The following CFAP43 variants were observed in gnomAD, a reference collection of about 807,000 sequenced individuals.
The protein encoded by CFAP43 is cilia- and flagella-associated protein 43.
CFAP43 carries 155 observed loss-of-function variants against 218.9 expected under a neutral mutation model. The observed-to-expected ratio is 0.71, with a 90% CI of 0.62 to 0.81. CFAP43 has a LOEUF of 0.81. CFAP43 is among the 30% of genes least tolerant of loss of function. The pLI, the probability that CFAP43 is intolerant of heterozygous loss-of-function variation, is 0.00. For missense variants in CFAP43, 1,778 were observed against 1,954.3 expected (o/e 0.91, Z 1.70); for synonymous variants, 645 against 681.3 (o/e 0.95, Z 0.83).
chr10:104,168,909 T>C, intron 20 of CFAP43, 61 bp from the exon 21 acceptor site: 1 of 1,365,866 alleles, frequency 7.3e-7, no homozygotes, highest in Non-Finnish European at 1.0e-6. Flanking sequence ...GAAATAATAA[T>C]CTCCATTGTA....
chr10:104,171,544 A>G (rs548601721), intron 20 of CFAP43, among the ~76,000 whole-genome samples: 9 of 152,342 alleles, frequency 5.9e-5, no homozygotes, highest in Non-Finnish European at 1.2e-4. Context: ...TGTTTAATCT[A>G]TTATAATCCA....
chr10:104,207,348 T>C (rs1481631433), intron 6 of CFAP43, among the ~76,000 whole-genome samples: 1 of 152,148 alleles, frequency 6.6e-6, no homozygotes, highest in Non-Finnish European at 1.5e-5. Context: ...TACAGCACAG[T>C]AGCCAAGAAC....
intron 19 of CFAP43, among the ~76,000 whole-genome samples, chr10:104,174,338 A>G (rs776760294): frequency 1.3e-5 from 2 of 152,264 alleles, no homozygotes; most frequent in Non-Finnish European, 1.5e-5. Flanking sequence ...AGAAAGTGAA[A>G]GGAAAGGCAT....
intron 3 of CFAP43, among the ~76,000 whole-genome samples, chr10:104,221,619 C>T (rs1360929903): frequency 6.6e-6 from 1 of 152,158 alleles, no homozygotes; most frequent in African/African-American, 2.4e-5. Flanking sequence ...GTTTATAAGC[C>T]ACCCAGTCTA....
At chr10:104,223,625 T>C (rs754915259) in intron 3 of CFAP43, among the ~76,000 whole-genome samples, 1 of 152,160 alleles carries the variant, frequency 6.6e-6, no homozygotes, top group Non-Finnish European at 1.5e-5. Flanking sequence ...TGGAGCCTTC[T>C]GCTTTTGGAA....
chr10:104,206,551 G>A (rs2090695617), intron 6 of CFAP43, among the ~76,000 whole-genome samples: 1 of 152,200 alleles, frequency 6.6e-6, no homozygotes, highest in Non-Finnish European at 1.5e-5. Flanking sequence ...TTCTTGAGCT[G>A]GGTGTTAAAA....
intron 34 of CFAP43, among the ~76,000 whole-genome samples, chr10:104,138,748 A>T (rs1412225759): frequency 6.6e-6 from 1 of 152,200 alleles, no homozygotes; most frequent in East Asian, 1.9e-4. Flanking sequence ...GAACAGAAAA[A>T]TGACCTTAAG....
In CFAP43 at chr10:104,131,399, G is replaced by A. The variant is rs560842271; in HGVS notation, c.4763C>T (p.Ala1588Val). 6 of 1,613,696 alleles carry A rather than the reference G, an allele frequency of 3.7e-6. 1 individual carries two copies. The Admixed American group carries it at 6.7e-5, about 18-fold the overall frequency. Residue 1588 changes from alanine to valine, a missense_variant, in exon 37 of 38, where the codon GCC becomes GTC. Coordinates refer to ENST00000357060, the MANE Select transcript of CFAP43 (RefSeq NM_025145.7). ...FSNQKDIANY[A>V]LSCNLREELV... ...CTCTTCTCGTAGATTGCAGCTTAGG[G>A]CATAATTTGCTATATCTTTTTGATT...
chr10:104,182,434 T>C lies in CFAP43; in HGVS notation c.2221A>G (p.Lys741Glu). The change falls in exon 17 of 38, where the codon AAG (lysine) becomes GAG (glutamate). Residue 741 changes from lysine (K) to glutamate (E), a missense_variant. Coordinates refer to ENST00000357060, the MANE Select transcript of CFAP43 (RefSeq NM_025145.7). ...LLISLSSAMD[K>E]ENHYLSTTPK... ...GTTGTGCTTAAATAATGATTCTCCT[T>C]GTCCATGGCGCTGCTCAGGGAAATT... is the stretch of plus-strand genomic sequence containing the variant. The C allele has an allele frequency of 6.2e-7, 1 of 1,612,866 alleles. No homozygotes were observed. Among genetic ancestry groups the C allele is most frequent in the South Asian group, 1.1e-5 (1 of 90,772 alleles).
intron 27 of CFAP43, among the ~76,000 whole-genome samples, chr10:104,159,103 G>A (rs1309769798): frequency 6.6e-6 from 1 of 152,056 alleles, no homozygotes; most frequent in East Asian, 1.9e-4. Context: ...GCGGAAGCTG[G>A]ATAAAGGGGT....
chr10:104,223,041 T>C (rs2091223779), intron 3 of CFAP43, among the ~76,000 whole-genome samples: 2 of 152,200 alleles, frequency 1.3e-5, no homozygotes, highest in Admixed American at 1.3e-4. Flanking sequence ...AAAGCAGCCA[T>C]AGATAATATA....
At chr10:104,181,159 C>T (rs2089829452) in intron 17 of CFAP43, among the ~76,000 whole-genome samples, 1 of 152,166 alleles carries the variant, frequency 6.6e-6, no homozygotes, top group Admixed American at 6.5e-5. Context: ...CTGCCCCCTT[C>T]CCCCAGAGTC....
intron 1 of CFAP43, among the ~76,000 whole-genome samples, chr10:104,231,588 T>C (rs1215916925): frequency 6.6e-6 from 1 of 151,920 alleles, no homozygotes; most frequent in Non-Finnish European, 1.5e-5. Context: ...GACATTAGAG[T>C]GTCCAGGACT....
intron 29 of CFAP43, among the ~76,000 whole-genome samples, chr10:104,146,890 A>T (rs770408738): frequency 9.9e-5 from 15 of 152,122 alleles, no homozygotes; most frequent in Admixed American, 6.6e-5. Context: ...AACCAGTAAA[A>T]TGAGTTGTCC....
chr10:104,146,128 A>G, intron 30 of CFAP43, 135 bp downstream of exon 30: 1 of 617,628 alleles, frequency 1.6e-6, no homozygotes, highest in East Asian at 2.9e-5. Context: ...GCATAGAATG[A>G]AGTTCACCCA....
At chr10:104,217,948 C>T (rs980601884) in intron 3 of CFAP43, among the ~76,000 whole-genome samples, 8 of 152,196 alleles carry the variant, frequency 5.3e-5, no homozygotes, top group Non-Finnish European at 1.2e-4. Context: ...AAAGCATGTT[C>T]GAGTTTCTAA....
At chr10:104,201,333 G>A (rs1469660346) in intron 8 of CFAP43, among the ~76,000 whole-genome samples, 1 of 151,256 alleles carries the variant, frequency 6.6e-6, no homozygotes, top group Non-Finnish European at 1.5e-5. Context: ...TTTATATTTG[G>A]GTTTAAACAT....
Position 104,136,258 on chromosome 10 carries a change from CAAAAAAAAA to C in CFAP43, c.4432-2483_4432-2475del, listed in dbSNP as rs368792618. Among the ~76,000 whole-genome samples, 140 of 86,012 alleles carry C rather than the reference CAAAAAAAAA, an allele frequency of 1.6e-3. 1 individual carries two copies. The highest frequency in any genetic ancestry group is 6.9e-3 in the African/African-American group (128 of 18,422). 56.4% of individuals were successfully genotyped at this position (86,012 alleles called of 152,430 possible). On this transcript the variant is annotated intron_variant, in intron 34 of 37. Coordinates refer to ENST00000357060, the MANE Select transcript of CFAP43 (RefSeq NM_025145.7). ...AGAGCGAGAATCCATTTCTCCATTT[CAAAAAAAAA>C]AAAAAAAAAAAGAAGAAAAGAAAAG...
intron 24 of CFAP43, among the ~76,000 whole-genome samples, chr10:104,162,949 T>C (rs377596864): frequency 1.3e-5 from 2 of 152,240 alleles, no homozygotes; most frequent in South Asian, 4.2e-4. Flanking sequence ...AAATGTAGGA[T>C]GGACTAGAGC....
Sources: gnomAD v4.1 joint callset for allele counts (sites outside exome capture counted in the v4.1 genomes callset) on GRCh38, gnomAD v4.1.1 for gene constraint, MANE v1.5 for transcripts, NCBI Gene and HGNC (gene_info 2026-07-23, HGNC 2026-07-21) for gene names.